Variants in CNTNAP5 observed in about 807,000 individuals in gnomAD.
CNTNAP5 encodes the protein contactin associated protein family member 5.
A neutral mutation model predicts 150.2 loss-of-function variants in CNTNAP5; 72 were observed. That is an observed-to-expected ratio of 0.48 (90% CI 0.40 to 0.58). The LOEUF (loss-of-function observed/expected upper bound fraction) is 0.58. Ranked by LOEUF, CNTNAP5 falls within the 20% of genes least tolerant of loss-of-function variation. CNTNAP5 has a pLI of 0.00. For synonymous variants in CNTNAP5, 672 were observed against 619.8 expected, an observed-to-expected ratio of 1.08 and a Z score of -1.25; for missense variants, 1,636 against 1,626.2, an observed-to-expected ratio of 1.01 and a Z score of -0.10.
intron 3 of CNTNAP5, among the ~76,000 whole-genome samples, chr2:124,354,768 T>A (rs1422967692): frequency 6.6e-6 from 1 of 152,210 alleles, no homozygotes; most frequent in African/African-American, 2.4e-5. Context: ...TAGTTTCAGC[T>A]CTCAATAGGT....
chr2:124,431,557 AATTT>A, intron 4 of CNTNAP5, among the ~76,000 whole-genome samples: 1 of 144,548 alleles, frequency 6.9e-6, no homozygotes, highest in African/African-American at 2.5e-5. Flanking sequence ...TATTATATAT[AATTT>A]CTTTATATAA....
intron 1 of CNTNAP5, among the ~76,000 whole-genome samples, chr2:124,200,371 C>G (rs1685697801): frequency 6.6e-6 from 1 of 152,104 alleles, no homozygotes; most frequent in African/African-American, 2.4e-5. Context: ...TGAGACACCA[C>G]TCATTGTTAT....
intron 12 of CNTNAP5, among the ~76,000 whole-genome samples, chr2:124,621,078 A>G (rs1677604953): frequency 6.6e-6 from 1 of 152,074 alleles, no homozygotes; most frequent in Non-Finnish European, 1.5e-5. Context: ...CCCTGACAAG[A>G]TTTTCCTTGA....
intron 13 of CNTNAP5, among the ~76,000 whole-genome samples, chr2:124,697,548 C>T (rs918318906): frequency 6.6e-5 from 10 of 150,744 alleles, no homozygotes; most frequent in African/African-American, 2.5e-4. Flanking sequence ...CCTTATCTTA[C>T]CTTAAGTGAG....
chr2:124,772,870 C>T lies in CNTNAP5; in HGVS notation c.2605C>T (p.Leu869Phe). ...PVELVVQSPS[L>F]LNDNQWHYVR... ...GGAGCTTGTAGTCCAGTCTCCTTCT[C>T]TTCTGAATGACAACCAATGGCACTA... is the stretch of plus-strand genomic sequence containing the variant. Residue 869 changes from leucine to phenylalanine, a missense_variant, in exon 17 of 24, where the codon CTT becomes TTT. Physicochemically the swap from Leu to Phe is conservative, Grantham distance 22. Coordinates refer to ENST00000682447, the MANE Select transcript of CNTNAP5 (RefSeq NM_001367498.1). 2.5e-6 allele frequency: 4 copies of T among 1,613,708 alleles called. No homozygotes were observed. Among genetic ancestry groups the T allele is most frequent in the Non-Finnish European group, 3.4e-6 (4 of 1,179,712 alleles).
At chr2:124,825,851 C>T (rs781066521) in intron 19 of CNTNAP5, among the ~76,000 whole-genome samples, 2 of 152,038 alleles carry the variant, frequency 1.3e-5, no homozygotes, top group Non-Finnish European at 2.9e-5. Flanking sequence ...ACATCCCATG[C>T]TTTGTATCTG....
intron 8 of CNTNAP5, among the ~76,000 whole-genome samples, chr2:124,523,587 C>T (rs1013597635): frequency 1.3e-5 from 2 of 152,142 alleles, no homozygotes; most frequent in African/African-American, 4.8e-5. Context: ...GAGAAAAGAA[C>T]CTTACAAAAG....
At chr2:124,552,301 A>G (rs1292236361) in intron 10 of CNTNAP5, among the ~76,000 whole-genome samples, 2 of 152,162 alleles carry the variant, frequency 1.3e-5, no homozygotes, top group Non-Finnish European at 2.9e-5. Context: ...GGAGCTTCAC[A>G]TGAAAAGGTG....
intron 7 of CNTNAP5, among the ~76,000 whole-genome samples, chr2:124,491,119 A>G (rs758538396): frequency 1.3e-5 from 2 of 152,174 alleles, no homozygotes; most frequent in Non-Finnish European, 2.9e-5. Context: ...AAGTTAATCA[A>G]CACAACCATC....
At chr2:124,777,672 T>G (rs1024913589) in intron 17 of CNTNAP5, among the ~76,000 whole-genome samples, 8 of 152,072 alleles carry the variant, frequency 5.3e-5, no homozygotes, top group African/African-American at 2.4e-5. Context: ...CAGACACACT[T>G]TTGAAAGGTT....
rs921953630 is a variant in CNTNAP5, at chr2:124,720,057, A to G, written c.2078-27172A>G. Among the ~76,000 whole-genome samples the G allele has an allele frequency of 3.3e-5, 5 of 152,196 alleles. No homozygotes were observed. In the East Asian group the frequency reaches 9.7e-4, roughly 29 times the overall value. ...ATTAGGGACAGCCAAGCCAGCCAGTATGAATGAGACAGAAGCGAGACTCTG... is the reference window on the plus strand; with the variant it reads ...ATTAGGGACAGCCAAGCCAGCCAGTGTGAATGAGACAGAAGCGAGACTCTG... On this transcript the variant is annotated intron_variant, in intron 13 of 23. Coordinates refer to ENST00000682447, the MANE Select transcript of CNTNAP5 (RefSeq NM_001367498.1).
At chr2:124,147,083 GGGAAAAATGTGCA>G (rs1684271308) in intron 1 of CNTNAP5, among the ~76,000 whole-genome samples, 1 of 152,158 alleles carries the variant, frequency 6.6e-6, no homozygotes, top group African/African-American at 2.4e-5. Flanking sequence ...ATACAAAAAG[GGGAAAAATGTGCA>G]GGATACAGAG....
rs1343518600 is a variant in CNTNAP5 at position 124,242,333 on chromosome 2, C to A, written c.321C>A (p.Ser107Arg). ...YGSSDWVTSY[S>R]LMFSDTGRNW... is the part of the protein sequence containing the mutation. ...GCTCTGACTGGGTGACGAGTTACAGCCTGATGTTCAGTGACACAGGACGCA... is the reference window on the plus strand; with the variant it reads ...GCTCTGACTGGGTGACGAGTTACAGACTGATGTTCAGTGACACAGGACGCA... Residue 107 changes from serine to arginine, a missense_variant, in exon 3 of 24, where the codon AGC becomes AGA. Ser to Arg is a moderately radical substitution (Grantham distance 110). Coordinates refer to ENST00000682447, the MANE Select transcript of CNTNAP5 (RefSeq NM_001367498.1). The A allele has an allele frequency of 1.2e-6, 2 of 1,613,288 alleles. No homozygotes were observed. The highest frequency in any genetic ancestry group is 1.7e-6 in the Non-Finnish European group (2 of 1,179,692).
chr2:124,240,604 T>C (rs1426603935), intron 2 of CNTNAP5, among the ~76,000 whole-genome samples: 1 of 152,024 alleles, frequency 6.6e-6, no homozygotes, highest in Non-Finnish European at 1.5e-5. Context: ...CAATAGATGC[T>C]GAGCACATTC....
chr2:124,247,619 G>A (rs1243430346), intron 3 of CNTNAP5, among the ~76,000 whole-genome samples: 1 of 152,140 alleles, frequency 6.6e-6, no homozygotes, highest in Non-Finnish European at 1.5e-5. Flanking sequence ...AATGGTGAAA[G>A]TGAGGTGCAT....
In CNTNAP5 at chr2:124,919,662, G is replaced by C; in HGVS notation, c.*5374G>C. On this transcript the variant is annotated 3_prime_UTR_variant, in exon 24 of 24. Coordinates refer to ENST00000682447, the MANE Select transcript of CNTNAP5 (RefSeq NM_001367498.1). ...ATCATTGTCTTACTCATTAGGGAAAGAGGCAATATCATGGGCTTTGCATGA... is the reference window on the plus strand; with the variant it reads ...ATCATTGTCTTACTCATTAGGGAAACAGGCAATATCATGGGCTTTGCATGA... 6.6e-6 allele frequency among the ~76,000 whole-genome samples: 1 copy of C among 152,064 alleles called. No homozygotes were observed. The highest frequency in any genetic ancestry group is 1.5e-5 in the Non-Finnish European group (1 of 67,992).
chr2:124,518,168 C>T (rs1441797526), intron 8 of CNTNAP5, among the ~76,000 whole-genome samples: 4 of 152,210 alleles, frequency 2.6e-5, no homozygotes, highest in Admixed American at 6.5e-5. Flanking sequence ...AATTTAGGAC[C>T]TTAGAATATC....
chr2:124,561,365 A>G (rs1048060044), intron 10 of CNTNAP5, among the ~76,000 whole-genome samples: 5 of 152,164 alleles, frequency 3.3e-5, no homozygotes, highest in African/African-American at 1.2e-4. Flanking sequence ...TGAGGACATC[A>G]AGGCTCTAAG....
rs755767680 is a variant in CNTNAP5 at position 124,434,591 on chromosome 2, C to A, written c.637C>A (p.Gln213Lys). The A allele has an allele frequency of 6.2e-7, 1 of 1,613,936 alleles. No homozygotes were observed. Among genetic ancestry groups the A allele is most frequent in the Non-Finnish European group, 8.5e-7 (1 of 1,179,854 alleles). The part of the protein sequence containing the change: ...DVISLKFKSM[Q>K]GDGVLFHGEG... ...GATCTCCCTGAAGTTCAAGAGCATGCAAGGAGATGGGGTCCTGTTCCATGG... is the reference window on the plus strand; with the variant it reads ...GATCTCCCTGAAGTTCAAGAGCATGAAAGGAGATGGGGTCCTGTTCCATGG... Residue 213 changes from glutamine to lysine, a missense_variant, in exon 5 of 24, where the codon CAA becomes AAA. By Grantham distance (53) the Gln-to-Lys change is moderately conservative. Coordinates refer to ENST00000682447, the MANE Select transcript of CNTNAP5 (RefSeq NM_001367498.1).
Sources: gnomAD v4.1 joint callset for allele counts (sites outside exome capture counted in the v4.1 genomes callset) on GRCh38, gnomAD v4.1.1 for gene constraint, MANE v1.5 for transcripts, NCBI Gene and HGNC (gene_info 2026-07-23, HGNC 2026-07-21) for gene names.